DTNA: variants seen among roughly 807,000 people sequenced by gnomAD.
The protein encoded by DTNA is dystrobrevin alpha, also known as dystrophin-related protein 3.
In DTNA, 43 loss-of-function variants were observed where a neutral mutation model predicts 100.7. The observed-to-expected ratio is 0.43, with a 90% CI of 0.33 to 0.55. The LOEUF is 0.55. DTNA is among the 20% of genes least tolerant of loss of function. The probability of loss-of-function intolerance (pLI) is 0.04; values close to 1 mark genes in which losing one functional copy is unlikely to be tolerated. For missense variants in DTNA, 798 were observed against 953.9 expected, an observed-to-expected ratio of 0.84 and a Z score of 2.15; for synonymous variants, 349 against 347.9, an observed-to-expected ratio of 1.00 and a Z score of -0.04.
chr18:34,585,924 G>T (rs1350024834), intron 1 of DTNA, among the ~76,000 whole-genome samples: 2 of 152,154 alleles, frequency 1.3e-5, no homozygotes, highest in Non-Finnish European at 2.9e-5. Flanking sequence ...TGTTTGTAAA[G>T]AACATGAATG....
At position 34,772,313 on chromosome 18, in the gene DTNA, CA is replaced by C. The variant is rs1200807200; in HGVS notation, c.148+6273del. On this transcript the variant is annotated intron_variant, in intron 3 of 22. Coordinates refer to ENST00000444659, the MANE Select transcript of DTNA (RefSeq NM_001386795.1). ...ATTGAAATATTTTAAAGGTATCCTT[CA>C]TTCAGATATGTTAAGTTAGAACACC... Among the ~76,000 whole-genome samples, 6 of 152,324 alleles carry C rather than the reference CA, an allele frequency of 3.9e-5. No homozygotes were observed. The East Asian group carries it at 5.8e-4, about 15-fold the overall frequency.
chr18:34,826,930 T>G (rs2095872089), intron 9 of DTNA, among the ~76,000 whole-genome samples: 1 of 152,184 alleles, frequency 6.6e-6, no homozygotes, highest in Non-Finnish European at 1.5e-5. Flanking sequence ...TGAACAATTC[T>G]GAGGAAAATT....
intron 14 of DTNA, 47 bp from the exon 15 acceptor site, chr18:34,851,784 A>G (rs749945592): frequency 1.3e-6 from 2 of 1,584,476 alleles, no homozygotes; most frequent in South Asian, 2.2e-5. Flanking sequence ...CCAAATACAT[A>G]GGTTCACATT....
intron 1 of DTNA, among the ~76,000 whole-genome samples, chr18:34,525,451 T>G (rs1442727660): frequency 3.3e-5 from 5 of 152,126 alleles, no homozygotes; most frequent in Non-Finnish European, 7.3e-5. Context: ...GCTCCTTCTG[T>G]CTGAGCCCCA....
chr18:34,551,184 G>A (rs575754748), intron 1 of DTNA, among the ~76,000 whole-genome samples: 113 of 152,154 alleles, frequency 7.4e-4, no homozygotes, highest in African/African-American at 2.5e-3. Context: ...GTTTTAGCTC[G>A]CCTATCTTAT....
At chr18:34,620,590 T>A (rs1311399674) in intron 1 of DTNA, among the ~76,000 whole-genome samples, 1 of 152,202 alleles carries the variant, frequency 6.6e-6, no homozygotes, top group East Asian at 1.9e-4. Flanking sequence ...GCTTAGTGGC[T>A]TCTGCTTCTG....
At chr18:34,804,773 T>A (rs955944201) in intron 4 of DTNA, among the ~76,000 whole-genome samples, 9 of 152,132 alleles carry the variant, frequency 5.9e-5, no homozygotes, top group Admixed American at 2.0e-4. Context: ...GATAAATGAT[T>A]ACATAAATCT....
At chr18:34,639,280 T>G (rs538070183) in intron 1 of DTNA, among the ~76,000 whole-genome samples, 1 of 152,290 alleles carries the variant, frequency 6.6e-6, no homozygotes, top group South Asian at 2.1e-4. Flanking sequence ...ATCCTTGCCT[T>G]CCTCCCACAA....
upstream of DTNA, chr18:34,709,254 C>G (rs2082490163): frequency 6.6e-6 from 1 of 152,166 alleles, no homozygotes; most frequent in Non-Finnish European, 1.5e-5. Context: ...GGGAGTCCAT[C>G]TCTAAAGAGA....
intron 1 of DTNA, among the ~76,000 whole-genome samples, chr18:34,658,938 A>G (rs948483595): frequency 1.3e-5 from 2 of 152,236 alleles, no homozygotes; most frequent in Non-Finnish European, 2.9e-5. Context: ...CCTAATGACA[A>G]TTCAGGGTAG....
Position 34,889,315 on chromosome 18 carries a change from C to T in DTNA, c.*1581C>T. 1.0e-6 allele frequency: 1 copy of T among 981,370 alleles called. No individual in the cohort carries two copies. Among genetic ancestry groups the T allele is most frequent in the South Asian group, 4.7e-5 (1 of 21,198 alleles). The allele number at this position is 981,370 out of a possible 1,614,324, so 60.8% of individuals were successfully genotyped here. A position where few individuals can be genotyped will look rare whatever the true frequency, so the allele number is the denominator to read the frequency against. ...GTCTTCGAAATACTAATTTGTAAGC[C>T]CCACCTCAGGCCTACTGAATCAGAA... On this transcript the variant is annotated 3_prime_UTR_variant, in exon 23 of 23. Coordinates refer to ENST00000444659, the MANE Select transcript of DTNA (RefSeq NM_001386795.1).
At chr18:34,837,299 A>G (rs562703443) in intron 11 of DTNA, among the ~76,000 whole-genome samples, 6 of 152,340 alleles carry the variant, frequency 3.9e-5, no homozygotes, top group South Asian at 2.1e-4. Flanking sequence ...TCGATGTAGC[A>G]TGACTACAAA....
intron 1 of DTNA, among the ~76,000 whole-genome samples, chr18:34,743,038 A>G (rs969465697): frequency 2.6e-5 from 4 of 152,028 alleles, no homozygotes; most frequent in Admixed American, 6.6e-5. Context: ...TAAGAAACAC[A>G]TTCTCCCAGT....
chr18:34,615,041 A>G (rs1274858119), intron 1 of DTNA, among the ~76,000 whole-genome samples: 1 of 152,190 alleles, frequency 6.6e-6, no homozygotes, highest in African/African-American at 2.4e-5. Flanking sequence ...AGAAATACCT[A>G]AAGCTGGGTA....
At chr18:34,793,900 A>G in intron 3 of DTNA, 137 bp from the exon 4 acceptor site, 2 of 839,542 alleles carry the variant, frequency 2.4e-6, no homozygotes, top group Non-Finnish European at 3.9e-6. Context: ...GCCTATGTTC[A>G]TTTACTTATG....
At chr18:34,756,712 A>T (rs992751990) in intron 2 of DTNA, among the ~76,000 whole-genome samples, 1 of 152,192 alleles carries the variant, frequency 6.6e-6, no homozygotes, top group African/African-American at 2.4e-5. Context: ...GGTTTATGTA[A>T]GTGCACAGTT....
At chr18:34,820,238 G>A (rs925821976) in intron 8 of DTNA, among the ~76,000 whole-genome samples, 12 of 151,932 alleles carry the variant, frequency 7.9e-5, no homozygotes, top group Non-Finnish European at 1.3e-4. Context: ...CTGGATTCCC[G>A]CAAAATCTTC....
intron 1 of DTNA, among the ~76,000 whole-genome samples, chr18:34,568,759 G>C (rs1243007153): frequency 6.6e-6 from 1 of 152,094 alleles, no homozygotes; most frequent in Non-Finnish European, 1.5e-5. Flanking sequence ...GAATAGCTGG[G>C]AGTACAGGCA....
At chr18:34,792,186 G>C (rs1461135550) in intron 3 of DTNA, among the ~76,000 whole-genome samples, 4 of 151,346 alleles carry the variant, frequency 2.6e-5, no homozygotes, top group Admixed American at 2.6e-4. Flanking sequence ...CATACTTTAG[G>C]TTTTTGTTTT....
Sources: gnomAD v4.1 joint callset for allele counts (sites outside exome capture counted in the v4.1 genomes callset) on GRCh38, gnomAD v4.1.1 for gene constraint, MANE v1.5 for transcripts, NCBI Gene and HGNC (gene_info 2026-07-23, HGNC 2026-07-21) for gene names.